WDR7: variants seen among roughly 807,000 people sequenced by gnomAD.
The protein encoded by WDR7 is WD repeat-containing protein 7.
WDR7 carries 46 observed loss-of-function variants against 169.4 expected under a neutral mutation model. That is an observed-to-expected ratio of 0.27 (90% CI 0.21 to 0.35). The LOEUF is 0.35. Among genes scored for constraint, WDR7 ranks in the 10% least tolerant of loss-of-function variants. The pLI is 1.00. For missense variants in WDR7, 1,534 were observed against 1,859.3 expected (o/e 0.83, Z 3.22); for synonymous variants, 612 against 666.8 (o/e 0.92, Z 1.27).
chr18:56,710,506 T>C (rs2469464), intron 12 of WDR7, among the ~76,000 whole-genome samples: 23,456 of 152,166 alleles, frequency 0.15, 2,118 homozygotes, highest in African/African-American at 0.24. Flanking sequence ...TTAGCAATTC[T>C]ACCTTGGGTA....
intron 26 of WDR7, 97 bp from the exon 27 acceptor site, chr18:57,020,648 C>A (rs925808255): frequency 8.4e-6 from 9 of 1,068,976 alleles, no homozygotes; most frequent in Non-Finnish European, 1.3e-5. Flanking sequence ...ATCTAATACC[C>A]ATGACGTAAC....
At chr18:56,942,286 G>T (rs535921572) in intron 25 of WDR7, among the ~76,000 whole-genome samples, 1 of 152,132 alleles carries the variant, frequency 6.6e-6, no homozygotes, top group Non-Finnish European at 1.5e-5. Context: ...GTGTTCTTTT[G>T]GGGGAGGGAA....
At position 57,029,606 on chromosome 18, in the gene WDR7, T is replaced by A. The variant is rs2145964360; in HGVS notation, c.*2399T>A. On this transcript the variant is annotated 3_prime_UTR_variant, in exon 28 of 28. Coordinates refer to ENST00000254442, the MANE Select transcript of WDR7 (RefSeq NM_015285.3). ...GAGACATATGTGGCTTCATTGGTAA[T>A]TTACAAGCAAAAGATGACATGACGT... is the stretch of plus-strand genomic sequence containing the variant. The A allele has an allele frequency of 6.6e-6, 1 of 152,112 alleles. No homozygotes were observed. Among genetic ancestry groups the A allele is most frequent in the South Asian group, 2.1e-4 (1 of 4,812 alleles). The allele number at this position is 152,112 out of a possible 1,614,324, so 9.4% of individuals were successfully genotyped here. A position where few individuals can be genotyped will look rare whatever the true frequency, so the allele number is the denominator to read the frequency against.
At chr18:57,016,340 G>A (rs761225083) in intron 26 of WDR7, among the ~76,000 whole-genome samples, 16 of 151,966 alleles carry the variant, frequency 1.1e-4, no homozygotes, top group Non-Finnish European at 2.4e-4. Flanking sequence ...TCCTTGTGCT[G>A]GTATTTATGA....
At position 56,759,259 on chromosome 18, in the gene WDR7, A is replaced by T. The variant is rs189347882; in HGVS notation, c.2848+306A>T. Among the ~76,000 whole-genome samples the T allele has an allele frequency of 1.1e-3, 162 of 152,278 alleles. 1 individual carries two copies. Among genetic ancestry groups the T allele is most frequent in the Middle Eastern group, 6.8e-3 (2 of 294 alleles). ...TTAATTGTGTGTTTCTTGAGTTTAA[A>T]AGTTATACCTATTTTAAACTACATT... is the stretch of plus-strand genomic sequence containing the variant. On this transcript the variant is annotated intron_variant, in intron 16 of 27. Coordinates refer to ENST00000254442, the MANE Select transcript of WDR7 (RefSeq NM_015285.3).
chr18:56,857,547 G>A (rs544903974), intron 20 of WDR7, among the ~76,000 whole-genome samples: 20 of 152,264 alleles, frequency 1.3e-4, no homozygotes, highest in African/African-American at 2.2e-4. Context: ...GTGAGCCACT[G>A]TGCCCAACCA....
At chr18:56,689,845 G>A (rs1916486516) in intron 7 of WDR7, among the ~76,000 whole-genome samples, 1 of 151,908 alleles carries the variant, frequency 6.6e-6, no homozygotes. Flanking sequence ...TAATAGGGCT[G>A]GAGGGCTAGT....
chr18:56,913,073 T>A (rs980107620), intron 21 of WDR7, among the ~76,000 whole-genome samples: 1 of 151,908 alleles, frequency 6.6e-6, no homozygotes, highest in Non-Finnish European at 1.5e-5. Flanking sequence ...AGGGTCTCAC[T>A]TTGTTGCCCA....
At chr18:56,667,482 A>G (rs891698101) in intron 1 of WDR7, among the ~76,000 whole-genome samples, 7 of 152,142 alleles carry the variant, frequency 4.6e-5, no homozygotes, top group South Asian at 4.1e-4. Context: ...TATCTTTACA[A>G]TGTGGCCCAA....
At chr18:56,983,694 C>A (rs1310443888) in intron 26 of WDR7, among the ~76,000 whole-genome samples, 1 of 152,034 alleles carries the variant, frequency 6.6e-6, no homozygotes, top group Non-Finnish European at 1.5e-5. Flanking sequence ...AATGTGTCCC[C>A]AGAATAAGTA....
At chr18:56,766,867 G>A (rs866057642) in intron 16 of WDR7, among the ~76,000 whole-genome samples, 5 of 152,158 alleles carry the variant, frequency 3.3e-5, no homozygotes, top group Admixed American at 6.5e-5. Context: ...TCAGTTCTGG[G>A]TTGGTTTAAA....
At chr18:56,974,969 G>A (rs1314590080) in intron 26 of WDR7, among the ~76,000 whole-genome samples, 1 of 152,212 alleles carries the variant, frequency 6.6e-6, no homozygotes, top group East Asian at 1.9e-4. Flanking sequence ...ACTGGGTGTG[G>A]TGGCTCACAC....
chr18:56,911,094 G>A (rs1011274720), intron 21 of WDR7, among the ~76,000 whole-genome samples: 7 of 152,062 alleles, frequency 4.6e-5, no homozygotes, highest in African/African-American at 9.7e-5. Context: ...AATTCTGAGC[G>A]TGGGCTTGCT....
rs746935643 is a variant in WDR7 at position 56,991,247 on chromosome 18, T to C, written c.4164+28718T>C. ...CCGCAAGCTCCGCCTCCTGGGTTCA[T>C]GCCATTCTCCTGCCTCAGCCTCCCG... On this transcript the variant is annotated intron_variant, in intron 26 of 27. Transcript: ENST00000254442. Among the ~76,000 whole-genome samples the C allele has an allele frequency of 1.5e-4, 23 of 149,462 alleles. 1 individual carries two copies. Among genetic ancestry groups the C allele is most frequent in the South Asian group, 1.3e-3 (6 of 4,652 alleles).
intron 26 of WDR7, among the ~76,000 whole-genome samples, chr18:56,991,353 G>A (rs2047815836): frequency 6.6e-6 from 1 of 152,068 alleles, no homozygotes; most frequent in Non-Finnish European, 1.5e-5. Context: ...CACCGTGTTA[G>A]CCAGGATGGT....
At chr18:56,994,732 C>A (rs916623899) in intron 26 of WDR7, among the ~76,000 whole-genome samples, 1 of 152,170 alleles carries the variant, frequency 6.6e-6, no homozygotes, top group Non-Finnish European at 1.5e-5. Context: ...CTGTAGTGAT[C>A]ATTATGGGAA....
intron 14 of WDR7, among the ~76,000 whole-genome samples, chr18:56,742,331 C>G (rs1568169033): frequency 6.6e-6 from 1 of 152,102 alleles, no homozygotes; most frequent in Non-Finnish European, 1.5e-5. Context: ...AATACTTTAA[C>G]TCTTATTTGA....
intron 13 of WDR7, among the ~76,000 whole-genome samples, chr18:56,720,288 A>C (rs1208381069): frequency 6.6e-6 from 1 of 152,056 alleles, no homozygotes; most frequent in East Asian, 1.9e-4. Flanking sequence ...CTCTACAAAA[A>C]AAAATACAAA....
intron 16 of WDR7, among the ~76,000 whole-genome samples, chr18:56,763,046 C>T (rs28877999): frequency 0.014 from 2,094 of 151,924 alleles, 48 homozygotes; most frequent in African/African-American, 0.048. Flanking sequence ...CTGCAAGCTC[C>T]GCCTCCTGGG....
Sources: gnomAD v4.1 joint callset for allele counts (sites outside exome capture counted in the v4.1 genomes callset) on GRCh38, gnomAD v4.1.1 for gene constraint, MANE v1.5 for transcripts, NCBI Gene and HGNC (gene_info 2026-07-23, HGNC 2026-07-21) for gene names.